TREH: variants seen among roughly 807,000 people sequenced by gnomAD.
TREH encodes the protein alpha,alpha-trehalose glucohydrolase.
A neutral mutation model predicts 80.5 loss-of-function variants in TREH; 69 were observed. The ratio of observed to expected loss-of-function variants is 0.86; its 90% CI spans 0.71 to 1.05. The LOEUF is 1.05. TREH is among the 50% of genes least tolerant of loss of function. The probability of loss-of-function intolerance (pLI) is 0.00; values close to 1 mark genes in which losing one functional copy is unlikely to be tolerated. For missense variants in TREH, 716 were observed against 718.8 expected (o/e 1.00, Z 0.04); for synonymous variants, 309 against 293.5 (o/e 1.05, Z -0.54).
At position 118,663,073 on chromosome 11, in the gene TREH, G is replaced by A. The variant is rs1555145296; in HGVS notation, c.314C>T (p.Thr105Ile). Reference protein sequence around the residue: ...QAKGQELQPWTPADWKDSPQF... With the variant: ...QAKGQELQPWIPADWKDSPQF... Reference sequence around the variant, plus strand: ...ATACCTGTCTTTCCAGTCTGCAGGGGTCCAGGGCTGCAGCTCCTGCCCCTT... The same window carrying A: ...ATACCTGTCTTTCCAGTCTGCAGGGATCCAGGGCTGCAGCTCCTGCCCCTT... Residue 105 changes from threonine (T) to isoleucine (I), a missense_variant, in exon 3 of 15, where the codon ACC becomes ATC. Physicochemically the swap from Thr to Ile is moderately conservative, Grantham distance 89 (BLOSUM62 -1). Coordinates refer to ENST00000264029, the MANE Select transcript of TREH (RefSeq NM_007180.3). The A allele has an allele frequency of 1.9e-6, 3 of 1,613,958 alleles. No individual in the cohort carries two copies. In the East Asian group the frequency reaches 6.7e-5, roughly 36 times the overall value.
At position 118,658,418 on chromosome 11, in the gene TREH, G is replaced by A. The variant is rs7928371; in HGVS notation, c.1623C>T (p.Gly541=). The A allele has an allele frequency of 0.23, 364,352 of 1,610,474 alleles. 42,605 individuals carry two copies. The highest frequency in any genetic ancestry group is 0.34 in the South Asian group (30,660 of 90,616). The change falls in exon 15 of 15, where the codon GGC becomes GGT. Residue 541 remains glycine, a synonymous_variant. Transcript: ENST00000264029. The stretch of plus-strand genomic sequence containing the variant: ...AGCGGTCCAGCAGCATCAGGACCAC[G>A]CCATTCGTCCAGCCAAATCCCTCCT... ...EVQEGFGWTN[G]VVLMLLDRYG...
In TREH at chr11:118,676,775, A is replaced by T. The variant is rs541735769; in HGVS notation, c.89+2764T>A. ...CAGAGCTAGATTGCTGTCTCAAAAAAAAAAAGAAAGAAAAAAACAACAACA... is the reference window on the plus strand; with the variant it reads ...CAGAGCTAGATTGCTGTCTCAAAAATAAAAAGAAAGAAAAAAACAACAACA... On this transcript the variant is annotated intron_variant, in intron 1 of 14. Transcript: ENST00000264029. 1.4e-3 allele frequency among the ~76,000 whole-genome samples: 216 copies of T among 151,636 alleles called. 1 individual carries two copies. Among genetic ancestry groups the T allele is most frequent in the African/African-American group, 5.0e-3 (207 of 41,314 alleles).
In TREH at chr11:118,662,046, A is replaced by G. The variant is rs116270566; in HGVS notation, c.424-56T>C. On this transcript the variant is annotated intron_variant, in intron 4 of 14. Transcript: ENST00000264029. ...TAGAATCCCCACGGAAGCAGAGGCT[A>G]CAGGCAGCTGGGGGATCTGAGGCCC... 2,745 of 1,422,742 alleles carry G rather than the reference A, an allele frequency of 1.9e-3. 30 individuals carry two copies. The African/African-American group carries it at 0.035, about 18-fold the overall frequency. 88.1% of individuals were successfully genotyped at this position (1,422,742 alleles called of 1,614,324 possible). A position where few individuals can be genotyped will look rare whatever the true frequency, so the allele number is the denominator to read the frequency against.
intron 1 of TREH, among the ~76,000 whole-genome samples, chr11:118,671,461 T>C (rs1397418846): frequency 6.6e-6 from 1 of 151,914 alleles, no homozygotes; most frequent in Non-Finnish European, 1.5e-5. Flanking sequence ...TTAGTGAGCT[T>C]GAAGACAGGC....
intron 1 of TREH, among the ~76,000 whole-genome samples, chr11:118,675,208 A>T (rs1372988506): frequency 6.6e-6 from 1 of 152,160 alleles, no homozygotes; most frequent in Non-Finnish European, 1.5e-5. Flanking sequence ...TGCCCTTTCA[A>T]CTTTTCTTTT....
chr11:118,670,555 G>A (rs1555146171), intron 1 of TREH, among the ~76,000 whole-genome samples: 1 of 152,152 alleles, frequency 6.6e-6, no homozygotes, highest in African/African-American at 2.4e-5. Flanking sequence ...CAATACATGT[G>A]ACCCTCAATA....
In TREH at chr11:118,659,444, G is replaced by A. The variant is rs781841527; in HGVS notation, c.1358C>T (p.Thr453Ile). The A allele has an allele frequency of 7.5e-6, 12 of 1,607,044 alleles. No homozygotes were observed. The highest frequency in any genetic ancestry group is 2.2e-5 in the East Asian group (1 of 44,720). ...CTGCTGGCCTGTCTTCTGGAGAGAG[G>A]TCGGGATCCCATACTGGTAAGTCAG... The part of the protein sequence containing the change: ...RILTYQYGIP[T>I]SLQKTGQQWD... Residue 453 changes from threonine to isoleucine, a missense_variant, in exon 12 of 15, where the codon ACC becomes ATC. Transcript: ENST00000264029.
chr11:118,679,094 C>T (rs659969), intron 1 of TREH, among the ~76,000 whole-genome samples: 53,198 of 151,980 alleles, frequency 0.35, 9,619 homozygotes, highest in Admixed American at 0.48. Flanking sequence ...CTGCAGGTCC[C>T]GACAGGGGGC....
rs1591826536 is a variant in TREH at position 118,658,879 on chromosome 11, T to A, written c.1545+26A>T. Reference sequence around the variant, plus strand: ...AGTGGCCACTGGGACAGCCTGGGGGTGCAGGGAGGGCTTGGGCCAGCTCAC... The same window carrying A: ...AGTGGCCACTGGGACAGCCTGGGGGAGCAGGGAGGGCTTGGGCCAGCTCAC... On this transcript the variant is annotated intron_variant, in intron 13 of 14. Coordinates refer to ENST00000264029, the MANE Select transcript of TREH (RefSeq NM_007180.3). The A allele has an allele frequency of 2.5e-6, 4 of 1,612,676 alleles. No individual in the cohort carries two copies. The Admixed American group carries it at 6.7e-5, about 27-fold the overall frequency.
rs1565522858 is a variant in TREH at position 118,658,724 on chromosome 11, T to TGACGTCATACTGGG, written c.1546-5_1554dup (p.Ser519ProfsTer31). On this transcript the variant is annotated frameshift_variant, in exon 14 of 15. Coordinates refer to ENST00000264029, the MANE Select transcript of TREH (RefSeq NM_007180.3). LOFTEE classifies it high-confidence loss of function. Reference sequence around the variant, plus strand: ...CCCCCACCGGGCTGTCCACCGTTGCTGACGTCATACTGGGGACAAGCGGGT... The same window carrying TGACGTCATACTGGG: ...CCCCCACCGGGCTGTCCACCGTTGCTGACGTCATACTGGGGACGTCATACTGGGGACAAGCGGGT... 4.4e-6 allele frequency: 7 copies of TGACGTCATACTGGG among 1,606,648 alleles called. No homozygotes were observed. The highest frequency in any genetic ancestry group is 6.0e-6 in the Non-Finnish European group (7 of 1,176,438).
intron 1 of TREH, among the ~76,000 whole-genome samples, chr11:118,666,307 G>C (rs1177457828): frequency 6.6e-6 from 1 of 152,166 alleles, no homozygotes; most frequent in Non-Finnish European, 1.5e-5. Context: ...TGAGTAAATG[G>C]GTTATACAAT....
intron 1 of TREH, among the ~76,000 whole-genome samples, chr11:118,664,367 G>A (rs782805386): frequency 2.0e-5 from 3 of 152,200 alleles, no homozygotes; most frequent in African/African-American, 4.8e-5. Flanking sequence ...TAGAAGAATC[G>A]AATGATAAAA....
At chr11:118,663,819 G>A (rs1425036081) in intron 1 of TREH, among the ~76,000 whole-genome samples, 1 of 152,158 alleles carries the variant, frequency 6.6e-6, no homozygotes, top group Non-Finnish European at 1.5e-5. Context: ...AACCTGGGAG[G>A]TGCACTCAGT....
Position 118,658,198 on chromosome 11 carries a change from G to T in TREH, c.*91C>A, listed in dbSNP as rs1949227442. ...CTTCGCTCTGAGGACAGGCTGGGAG[G>T]TAGGAGGGCATGAAGAGGCAGGGGA... On this transcript the variant is annotated 3_prime_UTR_variant, in exon 15 of 15. Transcript: ENST00000264029. 1 of 1,482,410 alleles carries T rather than the reference G, an allele frequency of 6.7e-7. No homozygotes were observed. 91.8% of individuals were successfully genotyped at this position (1,482,410 alleles called of 1,614,324 possible). A position where few individuals can be genotyped will look rare whatever the true frequency, so the allele number is the denominator to read the frequency against.
In TREH at chr11:118,658,166, C is replaced by T. The variant is rs782471468; in HGVS notation, c.*123G>A. On this transcript the variant is annotated 3_prime_UTR_variant, in exon 15 of 15. Transcript: ENST00000264029. ...CCATGACCTCCAGGTCGTGACCCTG[C>T]CCTCCACTTCGCTCTGAGGACAGGC... 13 of 1,364,488 alleles carry T rather than the reference C, an allele frequency of 9.5e-6. No individual in the cohort carries two copies. Among genetic ancestry groups the T allele is most frequent in the Non-Finnish European group, 1.3e-5 (13 of 1,009,158 alleles). The allele number at this position is 1,364,488 out of a possible 1,614,324, so 84.5% of individuals were successfully genotyped here. A position where few individuals can be genotyped will look rare whatever the true frequency, so the allele number is the denominator to read the frequency against.
intron 14 of TREH, 65 bp from the exon 15 acceptor site, chr11:118,658,506 G>T: frequency 6.4e-7 from 1 of 1,570,394 alleles, no homozygotes; most frequent in Non-Finnish European, 8.6e-7. Flanking sequence ...GGGGGCTGTG[G>T]GCTCTCTCCC....
chr11:118,659,384 T>C lies in TREH; in HGVS notation c.1418A>G (p.Asp473Gly). The change falls in exon 12 of 15, where the codon GAC becomes GGC. Residue 473 changes from aspartate (D) to glycine (G), a missense_variant. Asp to Gly is a moderately conservative substitution (Grantham distance 94). Coordinates refer to ENST00000264029, the MANE Select transcript of TREH (RefSeq NM_007180.3). ...DFPNAWAPLQDLVIRGLAKAP... is the reference protein window; with the variant it reads ...DFPNAWAPLQGLVIRGLAKAP... ...TGCCTCCCTACCTCTGATGACCAGGTCCTGCAGGGGGGCCCAGGCATTGGG... is the reference window on the plus strand; with the variant it reads ...TGCCTCCCTACCTCTGATGACCAGGCCCTGCAGGGGGGCCCAGGCATTGGG... 1 of 1,586,188 alleles carries C rather than the reference T, an allele frequency of 6.3e-7. No individual in the cohort carries two copies. Among genetic ancestry groups the C allele is most frequent in the Admixed American group, 1.7e-5 (1 of 57,264 alleles).
chr11:118,662,911 C>G lies in TREH; in HGVS notation c.393G>C (p.Leu131=). ...DAKLRAWAGQ[L]HQLWKKLGKK... ...TCCCCAGCTTCTTCCAGAGCTGATGCAGCTGCCCTGCCCAGGCACGCAGTT... is the reference window on the plus strand; with the variant it reads ...TCCCCAGCTTCTTCCAGAGCTGATGGAGCTGCCCTGCCCAGGCACGCAGTT... Residue 131 remains leucine, a synonymous_variant, in exon 4 of 15, where the codon CTG becomes CTC. Transcript: ENST00000264029. 1 of 1,603,798 alleles carries G rather than the reference C, an allele frequency of 6.2e-7. No individual in the cohort carries two copies. The highest frequency in any genetic ancestry group is 8.5e-7 in the Non-Finnish European group (1 of 1,175,028).
At chr11:118,678,131 C>G (rs1949498024) in intron 1 of TREH, among the ~76,000 whole-genome samples, 1 of 152,180 alleles carries the variant, frequency 6.6e-6, no homozygotes, top group Non-Finnish European at 1.5e-5. Flanking sequence ...AGGCCTTCGT[C>G]CCAATCCCTG....
Sources: gnomAD v4.1 joint callset for allele counts (sites outside exome capture counted in the v4.1 genomes callset) on GRCh38, gnomAD v4.1.1 for gene constraint, MANE v1.5 for transcripts, NCBI Gene and HGNC (gene_info 2026-07-23, HGNC 2026-07-21) for gene names.